The following CSMD1 variants were observed in gnomAD, a reference collection of about 807,000 sequenced individuals.
CSMD1 encodes CUB and sushi domain-containing protein 1.
CSMD1 carries 213 observed loss-of-function variants against 417.5 expected under a neutral mutation model. The ratio of observed to expected loss-of-function variants is 0.51; its 90% CI spans 0.46 to 0.57. The LOEUF (loss-of-function observed/expected upper bound fraction) is 0.57. CSMD1 is among the 20% of genes least tolerant of loss of function. The pLI is 0.00. For missense variants in CSMD1, 6,923 were observed against 4,529.7 expected (o/e 1.53, Z -15.17); for synonymous variants, 2,862 against 1,736.8 (o/e 1.65, Z -16.11).
intron 2 of CSMD1, among the ~76,000 whole-genome samples, chr8:4,571,096 C>A (rs1798872453): frequency 6.6e-6 from 1 of 152,070 alleles, no homozygotes; most frequent in African/African-American, 2.4e-5. Flanking sequence ...AATATCAGCT[C>A]CTGGATTCAC....
intron 3 of CSMD1, among the ~76,000 whole-genome samples, chr8:4,188,952 G>C (rs969968825): frequency 2.0e-5 from 3 of 152,142 alleles, no homozygotes; most frequent in Admixed American, 6.5e-5. Context: ...TCAGATATTA[G>C]AGCCCTGTGT....
At chr8:4,225,127 C>T (rs1272176328) in intron 3 of CSMD1, among the ~76,000 whole-genome samples, 3 of 152,034 alleles carry the variant, frequency 2.0e-5, no homozygotes, top group Admixed American at 1.3e-4. Flanking sequence ...AAGAAAAATC[C>T]TGAAATTCAT....
chr8:4,134,855 C>G (rs1472908714), intron 3 of CSMD1, among the ~76,000 whole-genome samples: 1 of 152,160 alleles, frequency 6.6e-6, no homozygotes, highest in East Asian at 1.9e-4. Context: ...TTGATAGCTT[C>G]CAATTGCTCC....
chr8:4,077,178 C>T (rs1166582895), intron 3 of CSMD1, among the ~76,000 whole-genome samples: 1 of 151,254 alleles, frequency 6.6e-6, no homozygotes, highest in African/African-American at 2.4e-5. Flanking sequence ...TGGGTAAAAA[C>T]TGGTGTAGAG....
chr8:4,737,915 T>C (rs1810350869), intron 1 of CSMD1, among the ~76,000 whole-genome samples: 1 of 152,184 alleles, frequency 6.6e-6, no homozygotes, highest in South Asian at 2.1e-4. Context: ...CAAAATTTGT[T>C]TGAAGGAAAG....
At chr8:3,397,919 G>A (rs1159941989) in intron 16 of CSMD1, among the ~76,000 whole-genome samples, 1 of 152,148 alleles carries the variant, frequency 6.6e-6, no homozygotes, top group Non-Finnish European at 1.5e-5. Context: ...CGGTCATGGT[G>A]GAAATGAACA....
At chr8:4,015,661 TAA>T (rs11371186) in intron 4 of CSMD1, among the ~76,000 whole-genome samples, 3 of 97,488 alleles carry the variant, frequency 3.1e-5, no homozygotes, top group African/African-American at 4.2e-5. Context: ...GTTTGAATCT[TAA>T]AAAAAAAAAA....
intron 3 of CSMD1, among the ~76,000 whole-genome samples, chr8:4,334,374 G>T (rs185198165): frequency 6.6e-6 from 1 of 152,130 alleles, no homozygotes; most frequent in Admixed American, 6.6e-5. Context: ...CCCTTAGGTG[G>T]TGGGCTTCAT....
At chr8:3,669,856 G>A (rs113866639) in intron 7 of CSMD1, among the ~76,000 whole-genome samples, 2 of 152,116 alleles carry the variant, frequency 1.3e-5, no homozygotes, top group African/African-American at 4.8e-5. Flanking sequence ...GCCATGAACA[G>A]GAGGGGCCCA....
chr8:3,349,196 A>G (rs2584226), intron 21 of CSMD1, among the ~76,000 whole-genome samples: 40,740 of 152,130 alleles, frequency 0.27, 6,011 homozygotes, highest in East Asian at 0.48. Flanking sequence ...GATGCACAGT[A>G]TTCCTTTTCC....
intron 1 of CSMD1, among the ~76,000 whole-genome samples, chr8:4,991,919 C>T (rs1463087265): frequency 1.3e-5 from 2 of 152,160 alleles, no homozygotes; most frequent in South Asian, 2.1e-4. Context: ...GCTCCACGGA[C>T]CCACTGCCTC....
At chr8:4,192,517 C>A (rs755449177) in intron 3 of CSMD1, among the ~76,000 whole-genome samples, 1 of 151,342 alleles carries the variant, frequency 6.6e-6, no homozygotes, top group Non-Finnish European at 1.5e-5. Context: ...AAGACAATAC[C>A]CCCTGACCTT....
chr8:4,066,458 T>C (rs986307795), intron 3 of CSMD1, among the ~76,000 whole-genome samples: 1 of 152,172 alleles, frequency 6.6e-6, no homozygotes, highest in Non-Finnish European at 1.5e-5. Flanking sequence ...GATAATATTT[T>C]CCAAATAAAT....
intron 3 of CSMD1, among the ~76,000 whole-genome samples, chr8:4,288,428 G>T (rs1174072682): frequency 6.6e-6 from 1 of 152,168 alleles, no homozygotes; most frequent in African/African-American, 2.4e-5. Context: ...ACAAACTCAG[G>T]AAATTCAATT....
At chr8:4,751,618 C>T (rs1042583753) in intron 1 of CSMD1, among the ~76,000 whole-genome samples, 10 of 152,106 alleles carry the variant, frequency 6.6e-5, no homozygotes, top group African/African-American at 2.4e-4. Context: ...AAATAAATAG[C>T]AGCCTCAAGG....
intron 3 of CSMD1, among the ~76,000 whole-genome samples, chr8:4,076,108 C>G (rs546796931): frequency 4.6e-5 from 7 of 152,276 alleles, no homozygotes; most frequent in Admixed American, 1.3e-4. Context: ...ATAATCCCCA[C>G]GTGTCATGGG....
chr8:4,704,414 T>C (rs774272355), intron 1 of CSMD1, among the ~76,000 whole-genome samples: 1 of 152,240 alleles, frequency 6.6e-6, no homozygotes, highest in African/African-American at 2.4e-5. Context: ...CTATTGTTTA[T>C]GTGGTGTCTG....
intron 1 of CSMD1, among the ~76,000 whole-genome samples, chr8:4,801,459 G>T (rs1215986649): frequency 8.0e-6 from 1 of 125,736 alleles, no homozygotes. Flanking sequence ...AGCCTCAGAT[G>T]GCTTTTTTTT....
chr8:3,270,131 C>G (rs377645827), intron 26 of CSMD1, among the ~76,000 whole-genome samples: 19 of 148,910 alleles, frequency 1.3e-4, no homozygotes, highest in African/African-American at 4.7e-4. Context: ...CCCACTGCAA[C>G]CTCTGCCTCC....
Sources: allele counts gnomAD v4.1 joint callset (sites outside exome capture counted in the v4.1 genomes callset), GRCh38; gene constraint gnomAD v4.1.1; transcripts MANE v1.5; gene names NCBI Gene and HGNC (gene_info 2026-07-23, HGNC 2026-07-21).